PTPRT: variants seen among roughly 807,000 people sequenced by gnomAD.
The protein encoded by PTPRT is protein tyrosine phosphatase receptor type T.
In PTPRT, 56 loss-of-function variants were observed where a neutral mutation model predicts 176.8. The observed-to-expected ratio is 0.32, with a 90% CI of 0.26 to 0.40. PTPRT has a LOEUF of 0.40. Among genes scored for constraint, PTPRT ranks in the 10% least tolerant of loss-of-function variants. The probability of loss-of-function intolerance (pLI) is 1.00; values close to 1 mark genes in which losing one functional copy is unlikely to be tolerated. For synonymous variants in PTPRT, 783 were observed against 739.0 expected (o/e 1.06, Z -0.96); for missense variants, 1,540 against 1,908.2 (o/e 0.81, Z 3.60).
intron 7 of PTPRT, among the ~76,000 whole-genome samples, chr20:42,526,086 A>G (rs2072263396): frequency 6.6e-6 from 1 of 151,996 alleles, no homozygotes; most frequent in Non-Finnish European, 1.5e-5. Flanking sequence ...TTAGATTTAA[A>G]GTCCATTAAT....
chr20:42,371,012 A>G (rs761988547), intron 9 of PTPRT, among the ~76,000 whole-genome samples: 4 of 152,112 alleles, frequency 2.6e-5, no homozygotes, highest in Non-Finnish European at 5.9e-5. Context: ...TCTGAGCTCT[A>G]TTGTTATTTA....
intron 9 of PTPRT, among the ~76,000 whole-genome samples, chr20:42,410,347 A>G (rs1272972086): frequency 6.6e-6 from 1 of 152,190 alleles, no homozygotes; most frequent in African/African-American, 2.4e-5. Flanking sequence ...AAAATCAATA[A>G]AAATAGAAAT....
At chr20:42,167,194 T>C (rs1399758482) in intron 16 of PTPRT, among the ~76,000 whole-genome samples, 2 of 152,230 alleles carry the variant, frequency 1.3e-5, no homozygotes, top group East Asian at 3.9e-4. Context: ...CTGATGAATT[T>C]GTGCATAATG....
At chr20:42,836,579 C>T (rs1330299075) in intron 2 of PTPRT, among the ~76,000 whole-genome samples, 1 of 152,172 alleles carries the variant, frequency 6.6e-6, no homozygotes, top group African/African-American at 2.4e-5. Flanking sequence ...CGCAGGCCAA[C>T]ACCTGGTTTC....
rs546184965 is a variant in PTPRT at position 42,831,924 on chromosome 20, C to T, written c.215-40458G>A. 6.6e-5 allele frequency among the ~76,000 whole-genome samples: 10 copies of T among 152,258 alleles called. No individual in the cohort carries two copies. The South Asian group carries it at 8.3e-4, about 13-fold the overall frequency. ...AGAAAAGGGAATGCTTGCACACCGTCGGTGAGAGTGTAAATTAGTTCAGCC... is the reference window on the plus strand; with the variant it reads ...AGAAAAGGGAATGCTTGCACACCGTTGGTGAGAGTGTAAATTAGTTCAGCC... On this transcript the variant is annotated intron_variant, in intron 2 of 30. Transcript: ENST00000373187.
chr20:42,081,390 T>C (rs756455173), intron 30 of PTPRT, among the ~76,000 whole-genome samples: 4 of 152,206 alleles, frequency 2.6e-5, no homozygotes, highest in African/African-American at 4.8e-5. Flanking sequence ...TAAAGACTTA[T>C]ATTAAAGCTC....
intron 11 of PTPRT, among the ~76,000 whole-genome samples, chr20:42,332,539 C>T (rs895668057): frequency 6.6e-6 from 1 of 152,114 alleles, no homozygotes; most frequent in African/African-American, 2.4e-5. Context: ...ATTGCTTGAA[C>T]TGAATGCTAA....
chr20:42,739,671 T>C (rs2076580331), intron 6 of PTPRT, among the ~76,000 whole-genome samples: 2 of 152,208 alleles, frequency 1.3e-5, no homozygotes, highest in African/African-American at 4.8e-5. Context: ...TGAACATATT[T>C]AGTTCTAAAA....
intron 18 of PTPRT, among the ~76,000 whole-genome samples, chr20:42,131,170 G>A (rs982982993): frequency 6.6e-6 from 1 of 152,182 alleles, no homozygotes; most frequent in African/African-American, 2.4e-5. Context: ...TGTGCAAACA[G>A]CTCTTCCCCA....
chr20:42,498,881 C>A (rs1361253703), intron 7 of PTPRT, among the ~76,000 whole-genome samples: 1 of 152,140 alleles, frequency 6.6e-6, no homozygotes, highest in African/African-American at 2.4e-5. Context: ...CCAGGCCAAA[C>A]CAACATATAC....
At chr20:42,709,714 C>T (rs2076115411) in intron 6 of PTPRT, among the ~76,000 whole-genome samples, 1 of 152,004 alleles carries the variant, frequency 6.6e-6, no homozygotes, top group African/African-American at 2.4e-5. Context: ...TGGTAATGGG[C>T]AGAGGCTGGA....
chr20:42,269,808 A>G (rs974733510), intron 13 of PTPRT, among the ~76,000 whole-genome samples: 3 of 152,178 alleles, frequency 2.0e-5, no homozygotes, highest in South Asian at 4.1e-4. Context: ...ACAGGTAGGA[A>G]AAGTCAGGCT....
chr20:42,115,007 T>C (rs903318554), intron 22 of PTPRT, among the ~76,000 whole-genome samples, 192 bp downstream of exon 22: 1 of 152,166 alleles, frequency 6.6e-6, no homozygotes, highest in African/African-American at 2.4e-5. Context: ...GCTTATTGAA[T>C]TCAGTTTGCC....
At chr20:42,211,806 CA>C (rs2055637361) in intron 15 of PTPRT, among the ~76,000 whole-genome samples, 2 of 150,614 alleles carry the variant, frequency 1.3e-5, no homozygotes, top group South Asian at 4.2e-4. Context: ...GGTATATACC[CA>C]AAGGACTATA....
At chr20:42,980,534 C>T (rs1276943216) in intron 1 of PTPRT, among the ~76,000 whole-genome samples, 1 of 152,188 alleles carries the variant, frequency 6.6e-6, no homozygotes, top group African/African-American at 2.4e-5. Context: ...AATTCGAAGA[C>T]AAATTCTTCA....
chr20:43,132,632 T>C (rs2013678496), intron 1 of PTPRT, among the ~76,000 whole-genome samples: 1 of 152,180 alleles, frequency 6.6e-6, no homozygotes, highest in East Asian at 1.9e-4. Flanking sequence ...AAAAATATGA[T>C]TATTTTAAGG....
chr20:42,434,969 G>GA (rs1307724068), intron 9 of PTPRT, among the ~76,000 whole-genome samples: 3 of 146,662 alleles, frequency 2.0e-5, no homozygotes, highest in Non-Finnish European at 4.5e-5. Context: ...CATCTCAAAG[G>GA]AAAAAACAAA....
chr20:42,047,254 G>T, the PTPRT span, among the ~76,000 whole-genome samples: 1 of 152,174 alleles, frequency 6.6e-6, no homozygotes, highest in African/African-American at 2.4e-5. Context: ...TGGGGGTGAG[G>T]TAGGAGATAG....
chr20:42,816,355 C>T lies in PTPRT; in HGVS notation c.215-24889G>A, dbSNP rs536942863. Among the ~76,000 whole-genome samples the T allele has an allele frequency of 1.4e-4, 22 of 152,268 alleles. No homozygotes were observed. The South Asian group carries it at 1.9e-3, about 13-fold the overall frequency. ...GAAAAGGAAATATAATCCTAGCACA[C>T]GGTTTGGTTTTGCAATGAAACAATT... On this transcript the variant is annotated intron_variant, in intron 2 of 30. Coordinates refer to ENST00000373187, the MANE Select transcript of PTPRT (RefSeq NM_007050.6).
Sources: allele counts gnomAD v4.1 joint callset (sites outside exome capture counted in the v4.1 genomes callset), GRCh38; gene constraint gnomAD v4.1.1; transcripts MANE v1.5; gene names NCBI Gene and HGNC (gene_info 2026-07-23, HGNC 2026-07-21).